The following MARCHF11 variants were observed in gnomAD, a reference collection of about 807,000 sequenced individuals.
The protein encoded by MARCHF11 is membrane associated ring-CH-type finger 11, also known as E3 ubiquitin-protein ligase MARCHF11.
In MARCHF11, 29 loss-of-function variants were observed where a neutral mutation model predicts 37.3. The ratio of observed to expected loss-of-function variants is 0.78; its 90% confidence interval spans 0.58 to 1.06. The LOEUF is 1.06. MARCHF11 is among the 50% of genes least tolerant of loss of function. MARCHF11 has a pLI of 0.00. For synonymous variants in MARCHF11, 233 were observed against 228.0 expected (o/e 1.02, Z -0.20); for missense variants, 482 against 533.4 (o/e 0.90, Z 0.95).
chr5:16,140,317 C>T (rs1737681057), intron 2 of MARCHF11, among the ~76,000 whole-genome samples: 2 of 151,990 alleles, frequency 1.3e-5, no homozygotes, highest in Non-Finnish European at 2.9e-5. Flanking sequence ...ATATAAAAGT[C>T]AGAATATAGA....
Position 16,172,126 on chromosome 5 carries a change from T to A in MARCHF11, c.693+5600A>T, listed in dbSNP as rs371040855. ...TACCAGTGTTTCAGAACCATCTGGC[T>A]TAGGAGAAATTGTAAAATCACTGTA... is the stretch of plus-strand genomic sequence containing the variant. On this transcript the variant is annotated intron_variant, in intron 2 of 3. Coordinates refer to ENST00000332432, the MANE Select transcript of MARCHF11 (RefSeq NM_001102562.3). 6.6e-5 allele frequency among the ~76,000 whole-genome samples: 10 copies of A among 152,292 alleles called. No homozygotes were observed. The East Asian group carries it at 1.2e-3, about 18-fold the overall frequency.
At chr5:16,170,831 T>C (rs1243827749) in intron 2 of MARCHF11, among the ~76,000 whole-genome samples, 1 of 152,046 alleles carries the variant, frequency 6.6e-6, no homozygotes, top group Non-Finnish European at 1.5e-5. Flanking sequence ...TTCAAGACAT[T>C]CAGAAGGGAA....
intron 2 of MARCHF11, among the ~76,000 whole-genome samples, chr5:16,161,776 A>G (rs1738081713): frequency 6.6e-6 from 1 of 151,992 alleles, no homozygotes; most frequent in South Asian, 2.1e-4. Flanking sequence ...CCCAGTGGCC[A>G]AGTCATGTAC....
chr5:16,142,229 A>C (rs1737718131), intron 2 of MARCHF11, among the ~76,000 whole-genome samples: 1 of 152,232 alleles, frequency 6.6e-6, no homozygotes, highest in Non-Finnish European at 1.5e-5. Flanking sequence ...TTTAGAGGCA[A>C]GCCATTTCCA....
chr5:16,073,020 A>G (rs1196969287), intron 3 of MARCHF11, among the ~76,000 whole-genome samples: 1 of 152,212 alleles, frequency 6.6e-6, no homozygotes, highest in Non-Finnish European at 1.5e-5. Flanking sequence ...AGGGTGATGC[A>G]GTTTACCTAC....
At chr5:16,127,518 C>A (rs1372012840) in intron 2 of MARCHF11, among the ~76,000 whole-genome samples, 3 of 152,168 alleles carry the variant, frequency 2.0e-5, no homozygotes, top group Non-Finnish European at 4.4e-5. Flanking sequence ...CAACACCTAA[C>A]AAGGCATATC....
intron 2 of MARCHF11, among the ~76,000 whole-genome samples, chr5:16,110,807 G>A (rs1737124416): frequency 6.6e-6 from 1 of 152,188 alleles, no homozygotes; most frequent in South Asian, 2.1e-4. Flanking sequence ...GACACTACCT[G>A]ACATGGTTTG....
intron 2 of MARCHF11, among the ~76,000 whole-genome samples, chr5:16,170,721 CTG>C (rs1168127242): frequency 6.6e-6 from 1 of 152,252 alleles, no homozygotes; most frequent in African/African-American, 2.4e-5. Context: ...CAATATTGAG[CTG>C]TGTTATATAA....
chr5:16,173,482 C>T (rs1435391042), intron 2 of MARCHF11, among the ~76,000 whole-genome samples: 2 of 152,166 alleles, frequency 1.3e-5, no homozygotes, highest in Admixed American at 6.5e-5. Context: ...ATAAGACCTA[C>T]AGTGAGGGAC....
At chr5:16,161,107 A>AC (rs1329582221) in intron 2 of MARCHF11, among the ~76,000 whole-genome samples, 1 of 151,880 alleles carries the variant, frequency 6.6e-6, no homozygotes, top group Non-Finnish European at 1.5e-5. Flanking sequence ...ACATATGTAT[A>AC]CATGTGCCAT....
At chr5:16,116,551 C>G (rs1381950979) in intron 2 of MARCHF11, among the ~76,000 whole-genome samples, 1 of 151,902 alleles carries the variant, frequency 6.6e-6, no homozygotes, top group African/African-American at 2.4e-5. Flanking sequence ...AAAAGAAATG[C>G]TGTGCTATTG....
chr5:16,107,051 G>A (rs1307294787), intron 2 of MARCHF11, among the ~76,000 whole-genome samples: 2 of 152,316 alleles, frequency 1.3e-5, no homozygotes, highest in Admixed American at 6.5e-5. Flanking sequence ...TGCAGGTGAG[G>A]TGTGTTACGA....
chr5:16,117,961 G>A (rs914559673), intron 2 of MARCHF11, among the ~76,000 whole-genome samples: 1 of 152,204 alleles, frequency 6.6e-6, no homozygotes, highest in Non-Finnish European at 1.5e-5. Context: ...GAAAGCACAG[G>A]CTGCTCTAAA....
chr5:16,091,929 T>C (rs1264123245), intron 2 of MARCHF11, among the ~76,000 whole-genome samples: 1 of 152,234 alleles, frequency 6.6e-6, no homozygotes, highest in African/African-American at 2.4e-5. Context: ...GAATTGTTAT[T>C]AAGGTTTGCC....
At chr5:16,089,235 C>T (rs10043833) in intron 3 of MARCHF11, among the ~76,000 whole-genome samples, 3,370 of 152,108 alleles carry the variant, frequency 0.022, 124 homozygotes, top group African/African-American at 0.077. Flanking sequence ...TTTTGCATCT[C>T]CCCTTTTAAT....
At chr5:16,120,080 A>T (rs1224872942) in intron 2 of MARCHF11, among the ~76,000 whole-genome samples, 1 of 152,206 alleles carries the variant, frequency 6.6e-6, no homozygotes, top group Non-Finnish European at 1.5e-5. Context: ...GGGTCTCCTA[A>T]AGAGTTTCTG....
At chr5:16,071,856 T>C (rs1385242700) in intron 3 of MARCHF11, among the ~76,000 whole-genome samples, 3 of 152,230 alleles carry the variant, frequency 2.0e-5, no homozygotes, top group Non-Finnish European at 4.4e-5. Context: ...ATCAAGAACC[T>C]ATTCTGTGCC....
chr5:16,125,619 CTGTGTGTGTGTGTGTGTGTGTGTGTG>C (rs34769733), intron 2 of MARCHF11, among the ~76,000 whole-genome samples: 4 of 142,254 alleles, frequency 2.8e-5, no homozygotes, highest in East Asian at 2.1e-4. Context: ...GGCACACTCT[CTGTGTGTGTGTGTGTGTGTGTGTGTG>C]TGTGTGTGTG....
Position 16,165,441 on chromosome 5 carries a change from C to A in MARCHF11, c.693+12285G>T, listed in dbSNP as rs1026781683. Among the ~76,000 whole-genome samples the A allele has an allele frequency of 4.6e-5, 7 of 152,216 alleles. No individual in the cohort carries two copies. The South Asian group carries it at 1.0e-3, about 23-fold the overall frequency. On this transcript the variant is annotated intron_variant, in intron 2 of 3. Transcript: ENST00000332432. ...GACTAAGCTCCATACTTAGTTCTGT[C>A]TCATGACCTTTTTCTTTCCAAGATC...
Sources: gnomAD v4.1 joint callset for allele counts (sites outside exome capture counted in the v4.1 genomes callset) on GRCh38, gnomAD v4.1.1 for gene constraint, MANE v1.5 for transcripts, NCBI Gene and HGNC (gene_info 2026-07-23, HGNC 2026-07-21) for gene names.